AKAP6: variants seen among roughly 807,000 people sequenced by gnomAD.
AKAP6 encodes A-kinase anchor protein 6.
Under a neutral mutation model 188.5 loss-of-function variants are expected in AKAP6, and 58 were observed. The observed-to-expected ratio is 0.31, with a 90% confidence interval of 0.25 to 0.38. AKAP6 has a LOEUF of 0.38. Ranked by LOEUF, AKAP6 falls within the 10% of genes least tolerant of loss-of-function variation. AKAP6 has a pLI of 1.00. For synonymous variants in AKAP6, 989 were observed against 998.6 expected (o/e 0.99, Z 0.18); for missense variants, 2,710 against 2,740.0 (o/e 0.99, Z 0.24).
chr14:32,794,259 A>G (rs1233109377), intron 12 of AKAP6, among the ~76,000 whole-genome samples: 1 of 152,150 alleles, frequency 6.6e-6, no homozygotes, highest in Non-Finnish European at 1.5e-5. Context: ...ATTAAGGCAG[A>G]AATCAAGAAG....
At chr14:32,364,654 C>T (rs762892715) in intron 1 of AKAP6, among the ~76,000 whole-genome samples, 1 of 152,138 alleles carries the variant, frequency 6.6e-6, no homozygotes, top group Non-Finnish European at 1.5e-5. Context: ...GCGCTGTCCC[C>T]TGCCCCGACT....
At chr14:32,799,935 T>G (rs937794310) in intron 12 of AKAP6, among the ~76,000 whole-genome samples, 1 of 151,362 alleles carries the variant, frequency 6.6e-6, no homozygotes, top group African/African-American at 2.4e-5. Context: ...ATAGGCTGAG[T>G]GTGGTGGCTC....
At chr14:32,357,420 A>T (rs1290814326) in intron 1 of AKAP6, among the ~76,000 whole-genome samples, 1 of 152,212 alleles carries the variant, frequency 6.6e-6, no homozygotes, top group East Asian at 1.9e-4. Context: ...GTTTAGTTAG[A>T]TACATTATTA....
chr14:32,545,378 A>C lies in AKAP6; in HGVS notation c.725A>C (p.Asp242Ala). ...GAGGATTTGCTCAGTGGGCTAGGTGACATGACCTCTAGCCAAGTCAAAACC... is the reference window on the plus strand; with the variant it reads ...GAGGATTTGCTCAGTGGGCTAGGTGCCATGACCTCTAGCCAAGTCAAAACC... ...PSEDLLSGLG[D>A]MTSSQVKTKP... The change falls in exon 4 of 14, where the codon GAC becomes GCC. Residue 242 changes from aspartate (D) to alanine (A), a missense_variant. This residue lies in a region of AKAP6 where 237 missense variants were observed against 313.9 expected (regional missense o/e 0.76). Coordinates refer to ENST00000280979, the MANE Select transcript of AKAP6 (RefSeq NM_004274.5). The C allele has an allele frequency of 6.2e-7, 1 of 1,614,198 alleles. No individual in the cohort carries two copies. The highest frequency in any genetic ancestry group is 8.5e-7 in the Non-Finnish European group (1 of 1,180,008).
At chr14:32,359,170 G>C (rs1349629408) in intron 1 of AKAP6, among the ~76,000 whole-genome samples, 4 of 152,184 alleles carry the variant, frequency 2.6e-5, no homozygotes, top group African/African-American at 7.2e-5. Context: ...GAGTGTTACA[G>C]TAGAGTTTTA....
At chr14:32,678,506 T>G in intron 8 of AKAP6, 47 bp downstream of exon 8, 1 of 1,603,826 alleles carries the variant, frequency 6.2e-7, no homozygotes, top group Non-Finnish European at 8.5e-7. Context: ...AATCTATTTT[T>G]TCAATGATTT....
At chr14:32,783,482 C>T (rs1476668185) in intron 12 of AKAP6, among the ~76,000 whole-genome samples, 7 of 151,136 alleles carry the variant, frequency 4.6e-5, no homozygotes, top group Admixed American at 4.6e-4. Flanking sequence ...TAAATTATAC[C>T]TCAATAAAGC....
intron 7 of AKAP6, among the ~76,000 whole-genome samples, chr14:32,650,542 T>G (rs1328487673): frequency 6.6e-6 from 1 of 151,766 alleles, no homozygotes; most frequent in Non-Finnish European, 1.5e-5. Flanking sequence ...ACTTGGGAGG[T>G]GGAGATTGCA....
chr14:32,780,224 A>G (rs1295745736), intron 12 of AKAP6, among the ~76,000 whole-genome samples: 1 of 151,346 alleles, frequency 6.6e-6, no homozygotes, highest in East Asian at 1.9e-4. Flanking sequence ...TTAAAAAAAA[A>G]GGAGATCCTG....
chr14:32,402,799 G>A (rs1889141246), intron 1 of AKAP6, among the ~76,000 whole-genome samples: 1 of 151,522 alleles, frequency 6.6e-6, no homozygotes, highest in African/African-American at 2.4e-5. Flanking sequence ...GCGTGATCTC[G>A]GCTCACTGCA....
At chr14:32,783,641 A>G (rs906151825) in intron 12 of AKAP6, among the ~76,000 whole-genome samples, 1 of 152,182 alleles carries the variant, frequency 6.6e-6, no homozygotes, top group Non-Finnish European at 1.5e-5. Context: ...AATAACAGCT[A>G]ACACATCGCA....
chr14:32,575,608 A>G (rs1884681174), intron 4 of AKAP6, among the ~76,000 whole-genome samples: 1 of 152,184 alleles, frequency 6.6e-6, no homozygotes, highest in South Asian at 2.1e-4. Context: ...TAGTTTTATC[A>G]AATCTAACCA....
intron 7 of AKAP6, among the ~76,000 whole-genome samples, chr14:32,658,619 A>G (rs1431999615): frequency 6.6e-6 from 1 of 151,934 alleles, no homozygotes. Context: ...AATGGGTTCA[A>G]TTTTCAAAAT....
intron 1 of AKAP6, among the ~76,000 whole-genome samples, chr14:32,358,849 T>C (rs1887566471): frequency 1.3e-5 from 2 of 152,118 alleles, no homozygotes; most frequent in African/African-American, 4.8e-5. Context: ...ATTAAGCAGA[T>C]ATGGTAGAGA....
At chr14:32,530,686 A>T (rs1882372432) in intron 2 of AKAP6, among the ~76,000 whole-genome samples, 1 of 152,188 alleles carries the variant, frequency 6.6e-6, no homozygotes, top group Non-Finnish European at 1.5e-5. Flanking sequence ...TACAGTAAGC[A>T]TTCAGAGCAA....
intron 2 of AKAP6, among the ~76,000 whole-genome samples, chr14:32,526,815 C>G (rs1882156339): frequency 1.3e-5 from 2 of 152,124 alleles, no homozygotes; most frequent in African/African-American, 4.8e-5. Context: ...AGTTTAGATT[C>G]ACAGCAAAAT....
intron 4 of AKAP6, among the ~76,000 whole-genome samples, chr14:32,548,857 G>C (rs891453746): frequency 6.6e-6 from 1 of 152,206 alleles, no homozygotes. Flanking sequence ...ACTGGATAGA[G>C]AATATTGATG....
chr14:32,591,729 A>G (rs1050967556), intron 5 of AKAP6, among the ~76,000 whole-genome samples: 1 of 151,568 alleles, frequency 6.6e-6, no homozygotes, highest in Non-Finnish European at 1.5e-5. Flanking sequence ...CATCTTTCTC[A>G]AGAGTACAGA....
intron 11 of AKAP6, among the ~76,000 whole-genome samples, chr14:32,747,432 A>G (rs981384186): frequency 1.3e-4 from 20 of 152,208 alleles, no homozygotes; most frequent in Non-Finnish European, 2.4e-4. Context: ...TTCAAATTCA[A>G]TAGACATCAA....
Sources: allele counts gnomAD v4.1 joint callset (sites outside exome capture counted in the v4.1 genomes callset), GRCh38; gene constraint gnomAD v4.1.1; regional missense constraint gnomAD v4.1.1; transcripts MANE v1.5; gene names NCBI Gene and HGNC (gene_info 2026-07-23, HGNC 2026-07-21).